RAPGEF2: variants seen among roughly 807,000 people sequenced by gnomAD.
The protein encoded by RAPGEF2 is PDZ domain containing guanine nucleotide exchange factor (GEF) 1.
A neutral mutation model predicts 186.7 loss-of-function variants in RAPGEF2; 54 were observed. The observed-to-expected ratio is 0.29, with a 90% confidence interval of 0.23 to 0.36. RAPGEF2 has a LOEUF of 0.36. Among genes scored for constraint, RAPGEF2 ranks in the 10% least tolerant of loss-of-function variants. The pLI is 1.00. For missense variants in RAPGEF2, 1,532 were observed against 2,045.0 expected, an observed-to-expected ratio of 0.75 and a Z score of 4.84; for synonymous variants, 712 against 705.9, an observed-to-expected ratio of 1.01 and a Z score of -0.14.
chr4:159,337,908 A>AAAAAAAAAAAAAAAAAAAAAAAAAAAC, intron 17 of RAPGEF2, among the ~76,000 whole-genome samples: 1 of 148,708 alleles, frequency 6.7e-6, no homozygotes, highest in Non-Finnish European at 1.5e-5. Context: ...AAAAAAAAAA[A>AAAAAAAAAAAAAAAAAAAAAAAAAAAC]AAAAAGAAAG....
At chr4:159,154,000 G>C (rs1020638186) in intron 1 of RAPGEF2, among the ~76,000 whole-genome samples, 1 of 152,164 alleles carries the variant, frequency 6.6e-6, no homozygotes, top group Non-Finnish European at 1.5e-5. Context: ...TCTTTGCAAT[G>C]ATAAACTGAG....
intron 2 of RAPGEF2, among the ~76,000 whole-genome samples, chr4:159,191,225 T>C (rs1235312921): frequency 2.0e-5 from 3 of 151,524 alleles, no homozygotes; most frequent in Non-Finnish European, 4.4e-5. Context: ...GACTAGTAAG[T>C]TAAGCTGGAA....
chr4:159,293,904 T>C (rs1236051490), intron 7 of RAPGEF2, among the ~76,000 whole-genome samples: 2 of 152,234 alleles, frequency 1.3e-5, no homozygotes, highest in Non-Finnish European at 2.9e-5. Flanking sequence ...AAGGTTGTTA[T>C]GAGTAAGATA....
At position 159,298,015 on chromosome 4, in the gene RAPGEF2, A is replaced by G. The variant is rs1481147871; in HGVS notation, c.544-6327A>G. On this transcript the variant is annotated intron_variant, in intron 7 of 29. Coordinates refer to ENST00000691494, the MANE Select transcript of RAPGEF2 (RefSeq NM_001394067.2). ...GCTTCTGTCTTCTGAGCCTGGTAAGAAGCTGGAAGAATGTTAAGTAATTAC... is the reference window on the plus strand; with the variant it reads ...GCTTCTGTCTTCTGAGCCTGGTAAGGAGCTGGAAGAATGTTAAGTAATTAC... Among the ~76,000 whole-genome samples the G allele has an allele frequency of 2.0e-5, 3 of 152,202 alleles. No homozygotes were observed. The East Asian group carries it at 5.8e-4, about 29-fold the overall frequency.
intron 7 of RAPGEF2, among the ~76,000 whole-genome samples, chr4:159,248,019 C>T (rs1050850998): frequency 6.6e-5 from 10 of 151,982 alleles, no homozygotes; most frequent in African/African-American, 2.2e-4. Context: ...GCCTTGGCCT[C>T]CTAAAGTGCT....
At chr4:159,249,619 C>T (rs6812429) in intron 7 of RAPGEF2, among the ~76,000 whole-genome samples, 26,315 of 151,636 alleles carry the variant, frequency 0.17, 2,410 homozygotes, top group Admixed American at 0.22. Context: ...TAATGCTATA[C>T]GTATTTATCT....
intron 7 of RAPGEF2, chr4:159,267,210 C>G: frequency 7.8e-7 from 1 of 1,288,914 alleles, no homozygotes; most frequent in Non-Finnish European, 1.0e-6. Context: ...CGTTTGTTTC[C>G]TAAGAGGAAT....
chr4:159,254,287 T>C (rs1274114393), intron 7 of RAPGEF2, among the ~76,000 whole-genome samples: 3 of 152,206 alleles, frequency 2.0e-5, no homozygotes, highest in African/African-American at 7.2e-5. Context: ...TCAGTTAGGT[T>C]TTACCCATTT....
intron 7 of RAPGEF2, among the ~76,000 whole-genome samples, chr4:159,283,771 A>C (rs185634496): frequency 2.0e-5 from 3 of 152,346 alleles, no homozygotes; most frequent in Non-Finnish European, 1.5e-5. Flanking sequence ...ATTTTTTTAA[A>C]AAAACCCTTT....
At chr4:159,124,146 C>T (rs1164693145) in intron 1 of RAPGEF2, among the ~76,000 whole-genome samples, 3 of 152,072 alleles carry the variant, frequency 2.0e-5, no homozygotes, top group African/African-American at 4.8e-5. Flanking sequence ...TGAGCCACTG[C>T]ACCCGGCCTT....
At chr4:159,115,042 T>G (rs1360618320) in intron 1 of RAPGEF2, among the ~76,000 whole-genome samples, 1 of 152,144 alleles carries the variant, frequency 6.6e-6, no homozygotes, top group Non-Finnish European at 1.5e-5. Flanking sequence ...GCAAACAATC[T>G]CTACACATTT....
intron 4 of RAPGEF2, among the ~76,000 whole-genome samples, chr4:159,232,367 G>A (rs1184040129): frequency 1.3e-5 from 2 of 152,192 alleles, no homozygotes; most frequent in Non-Finnish European, 2.9e-5. Flanking sequence ...TTTCATGTAA[G>A]TGGAATCATA....
intron 1 of RAPGEF2, among the ~76,000 whole-genome samples, chr4:159,168,605 A>G (rs573780466): frequency 7.9e-5 from 12 of 152,098 alleles, no homozygotes; most frequent in Non-Finnish European, 4.4e-5. Context: ...ATCACTTTAT[A>G]TTAAATTATT....
chr4:159,149,363 A>G lies in RAPGEF2; in HGVS notation c.70-37279A>G, dbSNP rs1228406814. 2.0e-5 allele frequency among the ~76,000 whole-genome samples: 3 copies of G among 152,000 alleles called. No homozygotes were observed. In the East Asian group the frequency reaches 5.8e-4, roughly 29 times the overall value. ...GCAACCTCTGCCTCTGGCTTCAAGC[A>G]ATTCTCTGCCTCAGCCACCCAAGTA... On this transcript the variant is annotated intron_variant, in intron 1 of 29. Transcript: ENST00000691494.
chr4:159,103,941 C>G lies in RAPGEF2; in HGVS notation c.-222C>G, dbSNP rs1047037405. 4 of 152,898 alleles carry G rather than the reference C, an allele frequency of 2.6e-5. No homozygotes were observed. Among genetic ancestry groups the G allele is most frequent in the African/African-American group, 7.3e-5 (3 of 41,334 alleles). The allele number at this position is 152,898 out of a possible 1,614,324, so 9.5% of individuals were successfully genotyped here. A position where few individuals can be genotyped will look rare whatever the true frequency, so the allele number is the denominator to read the frequency against. Reference sequence around the variant, plus strand: ...ACGGCAGCCTAGGGGCGCCGCGACCCTCCCGGCTGCGTCCAGCCCCTCGCG... The same window carrying G: ...ACGGCAGCCTAGGGGCGCCGCGACCGTCCCGGCTGCGTCCAGCCCCTCGCG... On this transcript the variant is annotated 5_prime_UTR_variant, in exon 1 of 30. Coordinates refer to ENST00000691494, the MANE Select transcript of RAPGEF2 (RefSeq NM_001394067.2).
chr4:159,344,105 C>G, intron 23 of RAPGEF2, 46 bp downstream of exon 23: 1 of 1,515,346 alleles, frequency 6.6e-7, no homozygotes, highest in Non-Finnish European at 9.2e-7. Context: ...TCTTATTCTG[C>G]TCATTGCATT....
chr4:159,329,765 T>C (rs1766408378), intron 11 of RAPGEF2, 93 bp from the exon 12 acceptor site: 2 of 1,034,882 alleles, frequency 1.9e-6, no homozygotes, highest in African/African-American at 1.6e-5. Context: ...GGGAAAAATG[T>C]CAGTTTTAAA....
chr4:159,168,621 A>C (rs1272832378), intron 1 of RAPGEF2, among the ~76,000 whole-genome samples: 1 of 152,114 alleles, frequency 6.6e-6, no homozygotes, highest in Non-Finnish European at 1.5e-5. Flanking sequence ...TTATTATTGA[A>C]CTGTCATAAA....
At chr4:159,222,698 G>A (rs1302218275) in intron 4 of RAPGEF2, among the ~76,000 whole-genome samples, 9 of 151,936 alleles carry the variant, frequency 5.9e-5, no homozygotes, top group Admixed American at 5.9e-4. Context: ...ATGAATTCAG[G>A]GTGTATCTTA....
Sources: allele counts gnomAD v4.1 joint callset (sites outside exome capture counted in the v4.1 genomes callset), GRCh38; gene constraint gnomAD v4.1.1; transcripts MANE v1.5; gene names NCBI Gene and HGNC (gene_info 2026-07-23, HGNC 2026-07-21).